EFCAB13: variants seen among roughly 807,000 people sequenced by gnomAD.
The protein encoded by EFCAB13 is EF-hand calcium binding domain 13, also known as EF-hand calcium-binding domain-containing protein 13.
Under a neutral mutation model 110.2 loss-of-function variants are expected in EFCAB13, and 91 were observed. The observed-to-expected ratio is 0.83, with a 90% CI of 0.70 to 0.98. EFCAB13 has a LOEUF of 0.98. Ranked by LOEUF, EFCAB13 falls within the 50% of genes least tolerant of loss-of-function variation. EFCAB13 has a pLI of 0.00. For missense variants in EFCAB13, 968 were observed against 1,119.4 expected (o/e 0.86, Z 1.93); for synonymous variants, 323 against 369.9 (o/e 0.87, Z 1.45).
intron 5 of EFCAB13, chr17:47,339,710 A>G (rs907806658): frequency 6.6e-6 from 1 of 152,052 alleles, no homozygotes; most frequent in African/African-American, 2.4e-5. Flanking sequence ...AAAAAAAAAA[A>G]AAAAAGGTTT....
chr17:47,367,088 G>A (rs555393400), intron 10 of EFCAB13, among the ~76,000 whole-genome samples: 1 of 152,330 alleles, frequency 6.6e-6, no homozygotes, highest in South Asian at 2.1e-4. Flanking sequence ...ACAAGTGCCA[G>A]TTACTGGGGA....
intron 2 of EFCAB13, among the ~76,000 whole-genome samples, chr17:47,325,761 C>T (rs999937060): frequency 2.6e-5 from 4 of 151,616 alleles, no homozygotes; most frequent in African/African-American, 9.7e-5. Flanking sequence ...TTCCCTGCAT[C>T]TCTTCCCCTA....
At chr17:47,331,267 T>G (rs1027580833) in intron 4 of EFCAB13, among the ~76,000 whole-genome samples, 10 of 152,148 alleles carry the variant, frequency 6.6e-5, no homozygotes, top group Non-Finnish European at 1.5e-4. Context: ...TAAGAGCTTC[T>G]GAATTTAATT....
intron 14 of EFCAB13, among the ~76,000 whole-genome samples, chr17:47,379,506 C>T (rs566213312): frequency 1.3e-5 from 2 of 150,944 alleles, no homozygotes; most frequent in African/African-American, 4.9e-5. Flanking sequence ...AATGATAATG[C>T]GGAGATCAAA....
intron 4 of EFCAB13, among the ~76,000 whole-genome samples, chr17:47,332,594 T>A (rs1298827849): frequency 6.6e-6 from 1 of 151,122 alleles, no homozygotes; most frequent in African/African-American, 2.4e-5. Context: ...CAGCCTCTGA[T>A]AACCATCTTT....
chr17:47,402,419 G>C (rs976294071), intron 18 of EFCAB13, among the ~76,000 whole-genome samples: 2 of 152,164 alleles, frequency 1.3e-5, no homozygotes, highest in African/African-American at 2.4e-5. Flanking sequence ...TGATAAAGCT[G>C]GTTTACTCTG....
intron 23 of EFCAB13, among the ~76,000 whole-genome samples, chr17:47,421,054 C>G (rs1479741867): frequency 2.0e-5 from 3 of 151,614 alleles, no homozygotes; most frequent in South Asian, 4.2e-4. Flanking sequence ...CCAGCCACCC[C>G]GCCCGGGAGG....
chr17:47,440,047 ATATT>A (rs1483449196), intron 24 of EFCAB13, among the ~76,000 whole-genome samples: 1 of 151,954 alleles, frequency 6.6e-6, no homozygotes, highest in Non-Finnish European at 1.5e-5. Flanking sequence ...CCTCAGTATT[ATATT>A]TATTCTGTAG....
At chr17:47,401,994 C>A in intron 17 of EFCAB13, 138 bp from the exon 18 acceptor site, 1 of 713,230 alleles carries the variant, frequency 1.4e-6, no homozygotes, top group South Asian at 1.6e-5. Context: ...TAAAATTAAT[C>A]CTTTGGTTAT....
chr17:47,387,460 A>G (rs1279390888), intron 14 of EFCAB13, among the ~76,000 whole-genome samples: 1 of 151,952 alleles, frequency 6.6e-6, no homozygotes, highest in African/African-American at 2.4e-5. Flanking sequence ...AGGTCTATTA[A>G]TGTTTGCTTT....
At chr17:47,436,765 A>G (rs1290213612) in intron 24 of EFCAB13, among the ~76,000 whole-genome samples, 1 of 144,924 alleles carries the variant, frequency 6.9e-6, no homozygotes, top group Non-Finnish European at 1.5e-5. Flanking sequence ...TTTCAATTTC[A>G]TTTAGTTCTG....
intron 21 of EFCAB13, 22 bp downstream of exon 21, chr17:47,409,713 G>A: frequency 1.3e-6 from 2 of 1,566,568 alleles, no homozygotes; most frequent in Non-Finnish European, 1.8e-6. Context: ...CTTTGTATAT[G>A]AGAAAATTTT....
At chr17:47,440,198 C>T (rs1905292340) in intron 24 of EFCAB13, among the ~76,000 whole-genome samples, 1 of 151,884 alleles carries the variant, frequency 6.6e-6, no homozygotes, top group African/African-American at 2.4e-5. Context: ...TTAAAGATGC[C>T]ATTGTAATAA....
intron 10 of EFCAB13, 72 bp downstream of exon 10, chr17:47,361,593 C>A: frequency 7.6e-7 from 1 of 1,322,380 alleles, no homozygotes; most frequent in Non-Finnish European, 1.0e-6. Context: ...TTCCGGATAT[C>A]AATTTTGTGA....
At chr17:47,404,237 A>G (rs1018802334) in intron 19 of EFCAB13, among the ~76,000 whole-genome samples, 3 of 152,142 alleles carry the variant, frequency 2.0e-5, no homozygotes, top group Admixed American at 6.5e-5. Context: ...CCTCATTGCT[A>G]TCTTGATTTA....
At chr17:47,399,889 T>C (rs759963772) in intron 17 of EFCAB13, among the ~76,000 whole-genome samples, 1 of 152,246 alleles carries the variant, frequency 6.6e-6, no homozygotes, top group East Asian at 1.9e-4. Context: ...TTGTTTCTTC[T>C]GAAAGACCTG....
intron 13 of EFCAB13, 31 bp from the exon 14 acceptor site, chr17:47,379,150 GA>G (rs1161441719): frequency 1.3e-6 from 2 of 1,554,430 alleles, no homozygotes. Flanking sequence ...AAATACACCA[GA>G]ATGTATAATC....
At chr17:47,380,952 G>A (rs1395328353) in intron 14 of EFCAB13, among the ~76,000 whole-genome samples, 3 of 144,568 alleles carry the variant, frequency 2.1e-5, no homozygotes, top group Non-Finnish European at 4.5e-5. Context: ...GCACGGTCTT[G>A]GCTCACTGCA....
At position 47,394,058 on chromosome 17, in the gene EFCAB13, A is replaced by G; in HGVS notation, c.1760A>G (p.Asp587Gly). ...AAAGTGAATTTTAAAGAATTCATTG[A>G]TACTATGATGAGCAACACGGAATGC... The part of the protein sequence containing the change: ...TKKVNFKEFI[D>G]TMMSNTECFS... Residue 587 changes from aspartate to glycine, a missense_variant, in exon 16 of 25, where the codon GAT becomes GGT. Transcript: ENST00000331493. The G allele has an allele frequency of 6.4e-7, 1 of 1,553,772 alleles. No homozygotes were observed. Among genetic ancestry groups the G allele is most frequent in the Non-Finnish European group, 8.7e-7 (1 of 1,154,508 alleles).
Sources: allele counts gnomAD v4.1 joint callset (sites outside exome capture counted in the v4.1 genomes callset), GRCh38; gene constraint gnomAD v4.1.1; transcripts MANE v1.5; gene names NCBI Gene and HGNC (gene_info 2026-07-23, HGNC 2026-07-21).